Variants in ARHGEF17 observed in about 807,000 individuals in gnomAD.
ARHGEF17 encodes 164 kDa Rho-specific guanine-nucleotide exchange factor.
In ARHGEF17, 80 loss-of-function variants were observed where a neutral mutation model predicts 174.0. The observed-to-expected ratio is 0.46, with a 90% CI of 0.38 to 0.55. ARHGEF17 has a LOEUF of 0.55. Ranked by LOEUF, ARHGEF17 falls within the 20% of genes least tolerant of loss-of-function variation. The pLI is 0.00. For synonymous variants in ARHGEF17, 1,311 were observed against 1,189.1 expected, an observed-to-expected ratio of 1.10 and a Z score of -2.11; for missense variants, 2,886 against 2,839.7, an observed-to-expected ratio of 1.02 and a Z score of -0.37.
chr11:73,356,575 G>A (rs1245926064), intron 6 of ARHGEF17, 134 bp from the exon 7 acceptor site: 1 of 1,272,552 alleles, frequency 7.9e-7, no homozygotes, highest in African/African-American at 1.5e-5. Context: ...GCAGCACAAG[G>A]GCATTGAGGG....
intron 12 of ARHGEF17, 61 bp downstream of exon 12, chr11:73,361,222 T>G: frequency 6.6e-7 from 1 of 1,506,338 alleles, no homozygotes; most frequent in Admixed American, 1.7e-5. Flanking sequence ...GTTCATGAAT[T>G]TTTGTGTACG....
intron 1 of ARHGEF17, among the ~76,000 whole-genome samples, chr11:73,316,018 G>A (rs1304135008): frequency 6.9e-6 from 1 of 145,854 alleles, no homozygotes; most frequent in African/African-American, 2.5e-5. Context: ...CCTGGGAGCC[G>A]AGGCACACAG....
chr11:73,355,508 C>T, intron 3 of ARHGEF17, 25 bp from the exon 4 acceptor site: 2 of 1,570,398 alleles, frequency 1.3e-6, no homozygotes, highest in Non-Finnish European at 1.8e-6. Flanking sequence ...CCTTGAGGGT[C>T]CCCAACCTGC....
At chr11:73,359,773 C>T in intron 9 of ARHGEF17, 61 bp from the exon 10 acceptor site, 2 of 1,377,220 alleles carry the variant, frequency 1.5e-6, no homozygotes, top group East Asian at 2.5e-5. Context: ...GAAGGAGAGT[C>T]TGTCCCAGCC....
rs1864835507 is a variant in ARHGEF17 at position 73,311,549 on chromosome 11, G to A, written c.2911G>A (p.Val971Met). 1 of 1,613,444 alleles carries A rather than the reference G, an allele frequency of 6.2e-7. No individual in the cohort carries two copies. Among genetic ancestry groups the A allele is most frequent in the African/African-American group, 1.3e-5 (1 of 74,918 alleles). Residue 971 changes from valine to methionine, a missense_variant, in exon 1 of 21, where the codon GTG becomes ATG. Transcript: ENST00000263674. Reference sequence around the variant, plus strand: ...GCCCGCCACATTTATGCCTATTGTGGTGCCTGAGCCACCAACTTCTGTTGG... The same window carrying A: ...GCCCGCCACATTTATGCCTATTGTGATGCCTGAGCCACCAACTTCTGTTGG... ...SVPATFMPIV[V>M]PEPPTSVGPP...
chr11:73,353,242 C>A, intron 3 of ARHGEF17: 1 of 592,154 alleles, frequency 1.7e-6, no homozygotes, highest in African/African-American at 1.9e-5. Context: ...GACTCCGACC[C>A]CAGCCAGACA....
At chr11:73,349,817 G>A (rs114075143) in intron 2 of ARHGEF17, among the ~76,000 whole-genome samples, 1,856 of 152,266 alleles carry the variant, frequency 0.012, 41 homozygotes, top group African/African-American at 0.043. Context: ...CAGAATGTTG[G>A]GTGAGCAAGG....
At chr11:73,364,661 G>A in intron 18 of ARHGEF17, 61 bp downstream of exon 18, 1 of 1,550,318 alleles carries the variant, frequency 6.5e-7, no homozygotes, top group Non-Finnish European at 8.7e-7. Flanking sequence ...GTGTGACAGG[G>A]AGATGGAGAC....
chr11:73,333,351 C>T (rs185613876), intron 1 of ARHGEF17, among the ~76,000 whole-genome samples: 30 of 152,364 alleles, frequency 2.0e-4, no homozygotes, highest in Admixed American at 4.6e-4. Context: ...TTATCCACTG[C>T]GCACACTTGT....
At chr11:73,364,663 G>A in intron 18 of ARHGEF17, 63 bp downstream of exon 18, 1 of 1,548,040 alleles carries the variant, frequency 6.5e-7, no homozygotes, top group South Asian at 1.2e-5. Flanking sequence ...GTGACAGGGA[G>A]ATGGAGACCA....
chr11:73,360,536 A>T lies in ARHGEF17; in HGVS notation c.4420+3A>T, dbSNP rs1443561616. The T allele has an allele frequency of 1.2e-6, 2 of 1,613,758 alleles. No individual in the cohort carries two copies. The highest frequency in any genetic ancestry group is 1.1e-5 in the South Asian group (1 of 91,086). ...CGATGAGGCCAAGAGGAAGCTGGGT[A>T]AGCCAAGGCACATGTTGGCCCTCTC... On this transcript the variant is annotated splice_donor_region_variant and intron_variant, in intron 11 of 20. Coordinates refer to ENST00000263674, the MANE Select transcript of ARHGEF17 (RefSeq NM_014786.4).
chr11:73,333,225 G>A (rs936361909), intron 1 of ARHGEF17, among the ~76,000 whole-genome samples: 2 of 152,214 alleles, frequency 1.3e-5, no homozygotes, highest in African/African-American at 2.4e-5. Context: ...AAGTTCAGAG[G>A]AGGGGAGTGG....
intron 1 of ARHGEF17, among the ~76,000 whole-genome samples, chr11:73,327,922 T>A (rs1865130897): frequency 6.6e-6 from 1 of 152,170 alleles, no homozygotes; most frequent in South Asian, 2.1e-4. Flanking sequence ...AAAAGCTGAG[T>A]ACTCACGTGT....
intron 1 of ARHGEF17, among the ~76,000 whole-genome samples, chr11:73,341,545 C>A (rs1234196841): frequency 1.3e-5 from 2 of 152,128 alleles, no homozygotes; most frequent in Non-Finnish European, 2.9e-5. Flanking sequence ...CTCCCAACCT[C>A]AGGTGATCTG....
At position 73,309,066 on chromosome 11, in the gene ARHGEF17, C is replaced by G; in HGVS notation, c.428C>G (p.Ala143Gly). ...GGTCCTGGCTCCAGGAGGCCCAGCG[C>G]CGACTCTGAATCCCCAGGAACGCCC... ...FGGPGSRRPSADSESPGTPSP... is the reference protein window; with the variant it reads ...FGGPGSRRPSGDSESPGTPSP... The change falls in exon 1 of 21, where the codon GCC becomes GGC. Residue 143 changes from alanine to glycine, a missense_variant. Ala to Gly is a moderately conservative substitution (Grantham distance 60). Around this residue, in one of 4 missense-constraint regions of ARHGEF17, gnomAD observed 1,728 missense variants for 1,461.2 expected, o/e 1.18. Coordinates refer to ENST00000263674, the MANE Select transcript of ARHGEF17 (RefSeq NM_014786.4). 6.6e-7 allele frequency: 1 copy of G among 1,510,796 alleles called. No individual in the cohort carries two copies. The highest frequency in any genetic ancestry group is 8.8e-7 in the Non-Finnish European group (1 of 1,134,504). The allele number at this position is 1,510,796 out of a possible 1,614,324, so 93.6% of individuals were successfully genotyped here. A position where few individuals can be genotyped will look rare whatever the true frequency, so the allele number is the denominator to read the frequency against.
rs371324700 is a variant in ARHGEF17 at position 73,342,453 on chromosome 11, T to C, written c.3193-4430T>C. On this transcript the variant is annotated intron_variant, in intron 1 of 20. Coordinates refer to ENST00000263674, the MANE Select transcript of ARHGEF17 (RefSeq NM_014786.4). Reference sequence around the variant, plus strand: ...TGCCTGTTTCTGCTGGCAATAGTTATGTAAACACAGAAGCACTTGTCTGGG... The same window carrying C: ...TGCCTGTTTCTGCTGGCAATAGTTACGTAAACACAGAAGCACTTGTCTGGG... Among the ~76,000 whole-genome samples the C allele has an allele frequency of 5.9e-5, 9 of 152,270 alleles. No homozygotes were observed. The South Asian group carries it at 8.3e-4, about 14-fold the overall frequency.
chr11:73,318,572 G>A (rs1864965794), intron 1 of ARHGEF17, among the ~76,000 whole-genome samples: 1 of 152,250 alleles, frequency 6.6e-6, no homozygotes, highest in Admixed American at 6.5e-5. Flanking sequence ...TGAGGCTGCA[G>A]TGAGCTGTGA....
At chr11:73,353,650 G>C (rs890300958) in intron 3 of ARHGEF17, among the ~76,000 whole-genome samples, 28 of 152,208 alleles carry the variant, frequency 1.8e-4, no homozygotes, top group African/African-American at 6.7e-4. Context: ...CTCAACTCCA[G>C]AAAGCCTGGT....
At position 73,364,606 on chromosome 11, in the gene ARHGEF17, AG is replaced by A. The variant is rs1374521442; in HGVS notation, c.5550+11del. ...CTGACACGCTGCAGCTGGAGGTAGCAGGGGGTGGGGGAATGGAATTGGTGCC... is the reference window on the plus strand; with the variant it reads ...CTGACACGCTGCAGCTGGAGGTAGCAGGGGTGGGGGAATGGAATTGGTGCC... On this transcript the variant is annotated splice_region_variant and intron_variant, in intron 18 of 20. Transcript: ENST00000263674. 3 of 1,605,056 alleles carry A rather than the reference AG, an allele frequency of 1.9e-6. No homozygotes were observed. Among genetic ancestry groups the A allele is most frequent in the African/African-American group, 2.7e-5 (2 of 74,296 alleles).
Sources: allele counts gnomAD v4.1 joint callset (sites outside exome capture counted in the v4.1 genomes callset), GRCh38; gene constraint gnomAD v4.1.1; regional missense constraint gnomAD v4.1.1; transcripts MANE v1.5; gene names NCBI Gene and HGNC (gene_info 2026-07-23, HGNC 2026-07-21).